RNLS: variants seen among roughly 807,000 people sequenced by gnomAD.
The protein encoded by RNLS is renalase, FAD dependent amine oxidase.
RNLS carries 39 observed loss-of-function variants against 39.8 expected under a neutral mutation model. The ratio of observed to expected loss-of-function variants is 0.98; its 90% CI spans 0.76 to 1.28. RNLS has a LOEUF of 1.28. Among genes scored for constraint, RNLS ranks in the 50% most tolerant of loss-of-function variants. RNLS has a pLI of 0.00. For missense variants in RNLS, 410 were observed against 413.3 expected (o/e 0.99, Z 0.07); for synonymous variants, 147 against 150.7 (o/e 0.98, Z 0.18).
chr10:88,523,172 A>G (rs1846863148), intron 4 of RNLS, among the ~76,000 whole-genome samples: 1 of 152,148 alleles, frequency 6.6e-6, no homozygotes, highest in Non-Finnish European at 1.5e-5. Flanking sequence ...AAACTTTCAG[A>G]AGAGTCATTT....
chr10:88,566,956 G>A (rs1451303224), intron 4 of RNLS, among the ~76,000 whole-genome samples: 1 of 151,900 alleles, frequency 6.6e-6, no homozygotes, highest in Non-Finnish European at 1.5e-5. Flanking sequence ...AAATATAAAA[G>A]AGATGGCTCT....
At chr10:88,358,292 C>T (rs1300631180) in intron 5 of RNLS, among the ~76,000 whole-genome samples, 2 of 152,110 alleles carry the variant, frequency 1.3e-5, no homozygotes, top group Non-Finnish European at 2.9e-5. Context: ...AACGAACCTC[C>T]CACTCCAATT....
At chr10:88,183,622 T>C in the RNLS span, among the ~76,000 whole-genome samples, 1 of 152,146 alleles carries the variant, frequency 6.6e-6, no homozygotes, top group Admixed American at 6.5e-5. Flanking sequence ...TACTTCCTCC[T>C]ATCATATTTT....
chr10:88,172,853 T>G, the RNLS span, among the ~76,000 whole-genome samples: 1 of 54,556 alleles, frequency 1.8e-5, no homozygotes, highest in African/African-American at 6.4e-5. Flanking sequence ...TTTTTTTTTT[T>G]TTTTTTTTTT....
At chr10:88,416,018 T>G (rs948912195) in intron 4 of RNLS, among the ~76,000 whole-genome samples, 1 of 152,158 alleles carries the variant, frequency 6.6e-6, no homozygotes, top group Non-Finnish European at 1.5e-5. Context: ...TGACAAAGCC[T>G]ATTTCTGACC....
At chr10:88,328,535 A>C (rs1047611584) in intron 5 of RNLS, among the ~76,000 whole-genome samples, 9 of 152,198 alleles carry the variant, frequency 5.9e-5, no homozygotes, top group African/African-American at 2.2e-4. Context: ...AATTCAAAAA[A>C]GTCTTCTTTT....
At chr10:88,365,190 C>T (rs529223555) in intron 4 of RNLS, among the ~76,000 whole-genome samples, 1 of 152,072 alleles carries the variant, frequency 6.6e-6, no homozygotes, top group Admixed American at 6.6e-5. Flanking sequence ...GGAGGTGAGA[C>T]TTCTGACTGA....
intron 4 of RNLS, among the ~76,000 whole-genome samples, chr10:88,549,965 T>C (rs1848530087): frequency 6.6e-6 from 1 of 152,168 alleles, no homozygotes; most frequent in Admixed American, 6.5e-5. Context: ...TACAAATAAC[T>C]AAAATCCCAT....
At chr10:88,203,456 GTATATA>G in the RNLS span, among the ~76,000 whole-genome samples, 6 of 1,210 alleles carry the variant, frequency 5.0e-3, 2 homozygotes, top group African/African-American at 0.029. Flanking sequence ...GTGTGTGTGT[GTATATA>G]TATATATATA....
chr10:88,287,486 G>A (rs1384608022), intron 6 of RNLS, among the ~76,000 whole-genome samples: 1 of 152,110 alleles, frequency 6.6e-6, no homozygotes, highest in Non-Finnish European at 1.5e-5. Flanking sequence ...ACTACAGGAA[G>A]AAGAAAACGG....
At chr10:88,459,684 G>A (rs1454035157) in intron 4 of RNLS, among the ~76,000 whole-genome samples, 3 of 152,114 alleles carry the variant, frequency 2.0e-5, no homozygotes, top group African/African-American at 4.8e-5. Flanking sequence ...GCTTGGAAGA[G>A]GACAAACAGT....
chr10:88,484,390 G>A (rs1844372111), intron 4 of RNLS, among the ~76,000 whole-genome samples: 1 of 152,032 alleles, frequency 6.6e-6, no homozygotes, highest in East Asian at 1.9e-4. Context: ...ATTTAAATGT[G>A]CATGTTTGTA....
At chr10:88,360,525 C>G (rs1286692703) in intron 5 of RNLS, among the ~76,000 whole-genome samples, 1 of 152,196 alleles carries the variant, frequency 6.6e-6, no homozygotes, top group Admixed American at 6.5e-5. Context: ...ACCTCTGCCT[C>G]CTGGGTTCAA....
At chr10:88,220,579 C>T in the RNLS span, among the ~76,000 whole-genome samples, 3 of 152,092 alleles carry the variant, frequency 2.0e-5, no homozygotes, top group Non-Finnish European at 4.4e-5. Flanking sequence ...TTTTCTTATT[C>T]GTGTATTTAT....
chr10:88,444,517 T>G (rs1841927172), intron 4 of RNLS, among the ~76,000 whole-genome samples: 1 of 152,026 alleles, frequency 6.6e-6, no homozygotes, highest in Non-Finnish European at 1.5e-5. Flanking sequence ...ACGATCAAAC[T>G]TCTCCAAGCT....
the RNLS span, among the ~76,000 whole-genome samples, chr10:88,226,337 C>T: frequency 3.9e-5 from 6 of 152,168 alleles, no homozygotes; most frequent in African/African-American, 7.2e-5. Context: ...CTGCAATTAA[C>T]GTCTATCCCA....
intron 5 of RNLS, among the ~76,000 whole-genome samples, chr10:88,340,694 ATATTT>A (rs1194293277): frequency 6.6e-6 from 1 of 152,178 alleles, no homozygotes; most frequent in Non-Finnish European, 1.5e-5. Flanking sequence ...AAACATGGTG[ATATTT>A]TATTTATAAG....
At chr10:88,219,701 G>T in the RNLS span, among the ~76,000 whole-genome samples, 1 of 152,142 alleles carries the variant, frequency 6.6e-6, no homozygotes, top group South Asian at 2.1e-4. Context: ...TTAAGGGGGA[G>T]TACCAAAAGG....
At chr10:88,205,073 T>C in the RNLS span, among the ~76,000 whole-genome samples, 1 of 152,148 alleles carries the variant, frequency 6.6e-6, no homozygotes, top group Non-Finnish European at 1.5e-5. Flanking sequence ...CTCTCTGACC[T>C]GTGTGTCAGT....
Sources: allele counts gnomAD v4.1 joint callset (sites outside exome capture counted in the v4.1 genomes callset), GRCh38; gene constraint gnomAD v4.1.1; transcripts MANE v1.5; gene names NCBI Gene and HGNC (gene_info 2026-07-23, HGNC 2026-07-21).